TXNDC17: variants seen among roughly 807,000 people sequenced by gnomAD.
TXNDC17 encodes the protein thioredoxin domain-containing protein 17.
In TXNDC17, 12 loss-of-function variants were observed where a neutral mutation model predicts 16.3. That is an observed-to-expected ratio of 0.74 (90% confidence interval 0.47 to 1.19). TXNDC17 has a LOEUF of 1.19. TXNDC17 is among the 50% of genes most tolerant of loss of function. The pLI, the probability that TXNDC17 is intolerant of heterozygous loss-of-function variation, is 0.00. For missense variants in TXNDC17, 158 were observed against 149.7 expected, an observed-to-expected ratio of 1.06 and a Z score of -0.29; for synonymous variants, 62 against 55.0, an observed-to-expected ratio of 1.13 and a Z score of -0.56.
chr17:6,641,346 G>A, intron 1 of TXNDC17, 119 bp downstream of exon 1: 1 of 1,441,470 alleles, frequency 6.9e-7, no homozygotes, highest in Non-Finnish European at 9.4e-7. Context: ...GGAGCAATCT[G>A]AGCTGTCCCC....
rs774713508 is a variant in TXNDC17, at chr17:6,641,167, G to A, written c.85G>A (p.Ala29Thr). 1 of 1,613,764 alleles carries A rather than the reference G, an allele frequency of 6.2e-7. No homozygotes were observed. The highest frequency in any genetic ancestry group is 8.5e-7 in the Non-Finnish European group (1 of 1,180,022). ...ACAGCACAATGGCAAGACCATTTTC[G>A]CCTACTTTACGGGTTCTAAGGACGC... ...VEQHNGKTIF[A>T]YFTGSKDAGG... Residue 29 changes from alanine to threonine, a missense_variant, in exon 1 of 4, where the codon GCC (alanine) becomes ACC (threonine). Transcript: ENST00000250101.
At chr17:6,641,359 G>C in intron 1 of TXNDC17, 132 bp downstream of exon 1, 1 of 1,328,928 alleles carries the variant, frequency 7.5e-7, no homozygotes, top group Non-Finnish European at 1.0e-6. Context: ...CTGTCCCCAA[G>C]TCTCCTTCTA....
Position 6,641,787 on chromosome 17 carries a change from T to C in TXNDC17, c.180T>C (p.Ile60=), listed in dbSNP as rs1333319638. ...TCGTACGAGAGGGGCTGAAGCACAT[T>C]AGTGAAGGATGTGTGTTCATCTACT... ...EPVVREGLKH[I]SEGCVFIYCQ... Residue 60 remains isoleucine (I), a synonymous_variant, in exon 2 of 4, where the codon ATT becomes ATC. Coordinates refer to ENST00000250101, the MANE Select transcript of TXNDC17 (RefSeq NM_032731.4). The C allele has an allele frequency of 5.6e-6, 9 of 1,614,096 alleles. No homozygotes were observed. In the South Asian group the frequency reaches 8.8e-5, roughly 16 times the overall value.
Position 6,642,269 on chromosome 17 carries a change from A to T in TXNDC17, c.248A>T (p.Asp83Val). The T allele has an allele frequency of 6.2e-7, 1 of 1,611,092 alleles. No homozygotes were observed. The highest frequency in any genetic ancestry group is 1.3e-5 in the African/African-American group (1 of 74,922). The change falls in exon 3 of 4, where the codon GAC becomes GTC. Residue 83 changes from aspartate to valine, a missense_variant. Physicochemically the swap from Asp to Val is radical, Grantham distance 152 (BLOSUM62 -3). Transcript: ENST00000250101. ...EKPYWKDPNN[D>V]FRKNLKVTAV... ...AATAGTTGGAAAGATCCAAATAATGACTTCAGAAAAAACTTGAAAGTAACA... is the reference window on the plus strand; with the variant it reads ...AATAGTTGGAAAGATCCAAATAATGTCTTCAGAAAAAACTTGAAAGTAACA...
chr17:6,644,404 C>T lies in TXNDC17; in HGVS notation c.*1385C>T. On this transcript the variant is annotated 3_prime_UTR_variant, in exon 4 of 4. Transcript: ENST00000250101. The stretch of plus-strand genomic sequence containing the variant: ...TAGGAAGAGTTTTCATTTTTTTTGT[C>T]TTCACTGTACAAAAGAAATACATTA... The T allele has an allele frequency of 4.1e-6, 6 of 1,455,126 alleles. No homozygotes were observed. Among genetic ancestry groups the T allele is most frequent in the South Asian group, 3.2e-5 (2 of 63,182 alleles). 90.1% of individuals were successfully genotyped at this position (1,455,126 alleles called of 1,614,324 possible).
Position 6,641,735 on chromosome 17 carries a change from T to C in TXNDC17, c.146-18T>C. The C allele has an allele frequency of 6.2e-7, 1 of 1,612,858 alleles. No homozygotes were observed. Among genetic ancestry groups the C allele is most frequent in the Non-Finnish European group, 8.5e-7 (1 of 1,178,880 alleles). On this transcript the variant is annotated intron_variant, in intron 1 of 3. Coordinates refer to ENST00000250101, the MANE Select transcript of TXNDC17 (RefSeq NM_032731.4). ...GTAGAGTTGACGTGCGATTATTTTATCTCAACTTTTTTTAAAGCTGAACCA... is the reference window on the plus strand; with the variant it reads ...GTAGAGTTGACGTGCGATTATTTTACCTCAACTTTTTTTAAAGCTGAACCA...
chr17:6,643,659 T>C lies in TXNDC17; in HGVS notation c.*640T>C, dbSNP rs1422065555. ...CTGACTCTACCACTTACTAGCTGTG[T>C]AACCACAGGCAAGTTACTCACCCCG... On this transcript the variant is annotated 3_prime_UTR_variant, in exon 4 of 4. Transcript: ENST00000250101. The C allele has an allele frequency of 2.0e-5, 3 of 153,684 alleles. No homozygotes were observed. Among genetic ancestry groups the C allele is most frequent in the African/African-American group, 7.2e-5 (3 of 41,500 alleles). 9.5% of individuals were successfully genotyped at this position (153,684 alleles called of 1,614,324 possible). A position where few individuals can be genotyped will look rare whatever the true frequency, so the allele number is the denominator to read the frequency against.
chr17:6,641,680 G>T, intron 1 of TXNDC17, 73 bp from the exon 2 acceptor site: 1 of 1,440,456 alleles, frequency 6.9e-7, no homozygotes, highest in East Asian at 2.3e-5. Flanking sequence ...GGGGGAAGGG[G>T]GAAAGAACAC....
Position 6,644,313 on chromosome 17 carries a change from TTAACAA to T in TXNDC17, c.*1298_*1303del. The stretch of plus-strand genomic sequence containing the variant: ...ATTCAGGTTTAACAGAAATAGTCTA[TTAACAA>T]TAAAAAGTTGGATGAAAAAGCACAC... On this transcript the variant is annotated 3_prime_UTR_variant, in exon 4 of 4. Transcript: ENST00000250101. 2 of 785,620 alleles carry T rather than the reference TTAACAA, an allele frequency of 2.5e-6. No homozygotes were observed. Among genetic ancestry groups the T allele is most frequent in the Non-Finnish European group, 3.7e-6 (2 of 542,006 alleles). 48.7% of individuals were successfully genotyped at this position (785,620 alleles called of 1,614,324 possible). A position where few individuals can be genotyped will look rare whatever the true frequency, so the allele number is the denominator to read the frequency against.
rs112169503 is a variant in TXNDC17 at position 6,641,607 on chromosome 17, C to T, written c.146-146C>T. On this transcript the variant is annotated intron_variant, in intron 1 of 3. Coordinates refer to ENST00000250101, the MANE Select transcript of TXNDC17 (RefSeq NM_032731.4). Reference sequence around the variant, plus strand: ...ACGTGGCTCTAAGACCAGAAGGGAACACCTGACTTGTGTTGACCTCTTCAG... The same window carrying T: ...ACGTGGCTCTAAGACCAGAAGGGAATACCTGACTTGTGTTGACCTCTTCAG... The T allele has an allele frequency of 7.2e-3, 5,784 of 798,400 alleles. 48 individuals are homozygous for T. The highest frequency in any genetic ancestry group is 0.022 in the South Asian group (1,350 of 61,018). The allele number at this position is 798,400 out of a possible 1,614,324, so 49.5% of individuals were successfully genotyped here.
At position 6,643,863 on chromosome 17, in the gene TXNDC17, A is replaced by G; in HGVS notation, c.*844A>G. On this transcript the variant is annotated 3_prime_UTR_variant, in exon 4 of 4. Coordinates refer to ENST00000250101, the MANE Select transcript of TXNDC17 (RefSeq NM_032731.4). ...TCTAAAGTCAAGAGTCCAGTTAGTA[A>G]CTAACCACTAGTTGTCCTGCCATGA... is the stretch of plus-strand genomic sequence containing the variant. 1 of 369,028 alleles carries G rather than the reference A, an allele frequency of 2.7e-6. No individual in the cohort carries two copies. The highest frequency in any genetic ancestry group is 4.8e-6 in the Non-Finnish European group (1 of 207,740). The allele number at this position is 369,028 out of a possible 1,614,324, so 22.9% of individuals were successfully genotyped here.
At position 6,641,911 on chromosome 17, in the gene TXNDC17, C is replaced by T. The variant is rs1972683213; in HGVS notation, c.227+77C>T. ...AGGCGGGAAGGGCCTCAGGGACTTA[C>T]TTACCCAGTTTGTCTTACAAGGTAA... On this transcript the variant is annotated intron_variant, in intron 2 of 3. Coordinates refer to ENST00000250101, the MANE Select transcript of TXNDC17 (RefSeq NM_032731.4). 3.1e-6 allele frequency: 4 copies of T among 1,295,912 alleles called. No homozygotes were observed. The Admixed American group carries it at 5.3e-5, about 17-fold the overall frequency. 80.3% of individuals were successfully genotyped at this position (1,295,912 alleles called of 1,614,324 possible).
chr17:6,641,114 G>C lies in TXNDC17; in HGVS notation c.32G>C (p.Gly11Ala), dbSNP rs1972646878. MARYEEVSVS[G>A]FEEFHRAVEQ... ...CGCTATGAGGAGGTGAGCGTGTCCG[G>C]CTTCGAGGAGTTCCACCGGGCCGTG... Residue 11 changes from glycine to alanine, a missense_variant, in exon 1 of 4, where the codon GGC (glycine) becomes GCC (alanine). By Grantham distance (60) the Gly-to-Ala change is moderately conservative (BLOSUM62 0). Transcript: ENST00000250101. 1 of 1,613,336 alleles carries C rather than the reference G, an allele frequency of 6.2e-7. No homozygotes were observed. The highest frequency in any genetic ancestry group is 1.3e-5 in the African/African-American group (1 of 74,938).
In TXNDC17 at chr17:6,642,235, T is replaced by C. The variant is rs1202551294; in HGVS notation, c.228-14T>C. The C allele has an allele frequency of 2.5e-6, 4 of 1,594,542 alleles. No individual in the cohort carries two copies. The highest frequency in any genetic ancestry group is 3.5e-5 in the Admixed American group (2 of 57,898). The stretch of plus-strand genomic sequence containing the variant: ...AGTAAATTTTTTTCATGATCACTTT[T>C]TCTTTTCGAATAGTTGGAAAGATCC... On this transcript the variant is annotated splice_polypyrimidine_tract_variant and intron_variant, in intron 2 of 3. Transcript: ENST00000250101.
chr17:6,642,532 T>TA (rs1246777731), intron 3 of TXNDC17: 4 of 500,268 alleles, frequency 8.0e-6, no homozygotes, highest in Non-Finnish European at 1.4e-5. Context: ...AAGTCACTCT[T>TA]AAAAAACCAG....
At chr17:6,641,491 G>C in intron 1 of TXNDC17, 1 of 634,104 alleles carries the variant, frequency 1.6e-6, no homozygotes, top group Non-Finnish European at 2.7e-6. Flanking sequence ...TACAGGATAC[G>C]TGAGTTGGTC....
rs1457933453 is a variant in TXNDC17, at chr17:6,641,829, G to C, written c.222G>C (p.Lys74Asn). ...CVFIYCQVGEKPYWKDPNNDF... is the reference protein window; with the variant it reads ...CVFIYCQVGENPYWKDPNNDF... Reference sequence around the variant, plus strand: ...TCATCTACTGCCAAGTAGGAGAAAAGCCTTAGTAAGTGGCAATGTATAATC... The same window carrying C: ...TCATCTACTGCCAAGTAGGAGAAAACCCTTAGTAAGTGGCAATGTATAATC... The change falls in exon 2 of 4, where the codon AAG becomes AAC. Residue 74 changes from lysine (K) to asparagine (N), a missense_variant. Physicochemically the swap from Lys to Asn is moderately conservative, Grantham distance 94 (BLOSUM62 0). Coordinates refer to ENST00000250101, the MANE Select transcript of TXNDC17 (RefSeq NM_032731.4). The C allele has an allele frequency of 6.2e-7, 1 of 1,614,136 alleles. No homozygotes were observed. Among genetic ancestry groups the C allele is most frequent in the Non-Finnish European group, 8.5e-7 (1 of 1,180,000 alleles).
intron 3 of TXNDC17, chr17:6,642,727 A>G: frequency 3.7e-6 from 2 of 545,488 alleles, no homozygotes; most frequent in Non-Finnish European, 6.5e-6. Flanking sequence ...TAGTCTGTGG[A>G]GCTTCCTGGT....
chr17:6,642,424 T>G, intron 3 of TXNDC17, 100 bp downstream of exon 3: 1 of 843,358 alleles, frequency 1.2e-6, no homozygotes. Flanking sequence ...TTCATCTCAA[T>G]TCCATTGTTG....
Sources: gnomAD v4.1 joint callset for allele counts on GRCh38, gnomAD v4.1.1 for gene constraint, MANE v1.5 for transcripts, NCBI Gene and HGNC (gene_info 2026-07-23, HGNC 2026-07-21) for gene names.